Variants in MTRR observed in about 807,000 individuals in gnomAD.
MTRR encodes the protein 5-methyltetrahydrofolate-homocysteine methyltransferase reductase.
A neutral mutation model predicts 79.2 loss-of-function variants in MTRR; 63 were observed. The ratio of observed to expected loss-of-function variants is 0.80; its 90% CI spans 0.65 to 0.98. The LOEUF is 0.98. Ranked by LOEUF, MTRR falls within the 50% of genes least tolerant of loss-of-function variation. MTRR has a pLI of 0.00. For missense variants in MTRR, 895 were observed against 839.6 expected (o/e 1.07, Z -0.82); for synonymous variants, 355 against 313.3 (o/e 1.13, Z -1.41).
At chr5:7,866,375 A>G (rs1746950532), upstream of MTRR, among the ~76,000 whole-genome samples, 1 of 151,898 alleles carries the variant, frequency 6.6e-6, no homozygotes, top group South Asian at 2.1e-4. Flanking sequence ...TAATGTGGCT[A>G]TTTCCACTGC....
At position 7,869,287 on chromosome 5, in the gene MTRR, C is replaced by A. The variant is rs558187880; in HGVS notation, c.-26+72C>A. The stretch of plus-strand genomic sequence containing the variant: ...TGCACTAATCTCCTGGGAGAGGCGG[C>A]CCGGGGCGGGGGTGGGCAGCCGGCT... On this transcript the variant is annotated intron_variant, in intron 1 of 14. Transcript: ENST00000440940. The A allele has an allele frequency of 2.5e-5, 39 of 1,576,080 alleles. No homozygotes were observed. The African/African-American group carries it at 5.2e-4, about 21-fold the overall frequency.
intron 1 of MTRR, among the ~76,000 whole-genome samples, chr5:7,855,774 C>G (rs1373068605): frequency 6.6e-6 from 1 of 152,174 alleles, no homozygotes; most frequent in African/African-American, 2.4e-5. Context: ...CCCAAAATAT[C>G]AACTCCACCC....
intron 4 of MTRR, among the ~76,000 whole-genome samples, chr5:7,875,883 G>A (rs910954476): frequency 6.6e-5 from 10 of 152,208 alleles, no homozygotes; most frequent in Admixed American, 2.0e-4. Flanking sequence ...GTTTACAGAC[G>A]CATACTTTAT....
rs147349117 is a variant in MTRR at position 7,879,006 on chromosome 5, A to G, written c.780+684A>G. 3.0e-4 allele frequency among the ~76,000 whole-genome samples: 45 copies of G among 152,308 alleles called. No individual in the cohort carries two copies. In the East Asian group the frequency reaches 7.9e-3, roughly 27 times the overall value. On this transcript the variant is annotated intron_variant, in intron 5 of 14. Coordinates refer to ENST00000440940, the MANE Select transcript of MTRR (RefSeq NM_002454.3). Reference sequence around the variant, plus strand: ...GAAGACAGATTTAGACATTTAAGAAATAATTTGGATGCAGCATCTTTCTTG... The same window carrying G: ...GAAGACAGATTTAGACATTTAAGAAGTAATTTGGATGCAGCATCTTTCTTG...
upstream of MTRR, chr5:7,865,921 C>T: frequency 1.2e-6 from 2 of 1,613,942 alleles, no homozygotes; most frequent in Non-Finnish European, 8.5e-7. Context: ...CATTCCAGGA[C>T]TGAGGCTAAG....
intron 8 of MTRR, among the ~76,000 whole-genome samples, chr5:7,887,795 T>TATATACATAC (rs1212072055): frequency 5.8e-5 from 1 of 17,096 alleles, no homozygotes; most frequent in African/African-American, 1.9e-4. Flanking sequence ...TGTGTGTGCA[T>TATATACATAC]ATATATATAT....
intron 5 of MTRR, among the ~76,000 whole-genome samples, chr5:7,878,801 A>G (rs1420172007): frequency 1.3e-5 from 2 of 152,220 alleles, no homozygotes; most frequent in Non-Finnish European, 2.9e-5. Context: ...CAGGCAGTGT[A>G]TGGTACCCTG....
intron 1 of MTRR, among the ~76,000 whole-genome samples, chr5:7,851,818 G>T (rs150620792): frequency 1.2e-3 from 176 of 152,228 alleles, no homozygotes; most frequent in African/African-American, 4.1e-3. Context: ...TCCGTTTGTT[G>T]AAAATGTGTT....
chr5:7,856,591 G>A (rs1271149103), intron 1 of MTRR, among the ~76,000 whole-genome samples: 1 of 152,084 alleles, frequency 6.6e-6, no homozygotes, highest in Non-Finnish European at 1.5e-5. Flanking sequence ...TACAAGACGT[G>A]TCTCATTTCA....
chr5:7,899,508 A>G (rs541650221), intron 14 of MTRR, among the ~76,000 whole-genome samples: 1 of 152,224 alleles, frequency 6.6e-6, no homozygotes, highest in Non-Finnish European at 1.5e-5. Context: ...ATAAAGACCT[A>G]GAAGTGTGCG....
chr5:7,878,676 A>G (rs1192447661), intron 5 of MTRR, among the ~76,000 whole-genome samples: 4 of 152,258 alleles, frequency 2.6e-5, no homozygotes, highest in Admixed American at 6.5e-5. Context: ...ACTCAGTTTC[A>G]TCATTATTTT....
At chr5:7,878,444 C>T (rs1311318472) in intron 5 of MTRR, 122 bp downstream of exon 5, 1 of 1,258,074 alleles carries the variant, frequency 7.9e-7, no homozygotes. Context: ...CCCAATGTGG[C>T]CCAGAGCCTT....
chr5:7,895,752 A>T lies in MTRR; in HGVS notation c.1576A>T (p.Thr526Ser). 4 of 1,614,092 alleles carry T rather than the reference A, an allele frequency of 2.5e-6. No individual in the cohort carries two copies. Among genetic ancestry groups the T allele is most frequent in the Non-Finnish European group, 3.4e-6 (4 of 1,179,958 alleles). ...LAPKISISPR[T>S]TNSFHLPDDP... The stretch of plus-strand genomic sequence containing the variant: ...ATTTCAGATATCCATCTCTCCTCGA[A>T]CAACAAATTCTTTCCACTTACCAGA... Residue 526 changes from threonine (T) to serine (S), a missense_variant, in exon 12 of 15, where the codon ACA becomes TCA. Coordinates refer to ENST00000440940, the MANE Select transcript of MTRR (RefSeq NM_002454.3).
At chr5:7,890,581 A>AT (rs1737382840) in intron 9 of MTRR, among the ~76,000 whole-genome samples, 2 of 152,174 alleles carry the variant, frequency 1.3e-5, no homozygotes, top group East Asian at 3.8e-4. Flanking sequence ...AAAAAATTAT[A>AT]TTATTTTCTA....
chr5:7,884,666 C>T (rs186076780), intron 6 of MTRR, among the ~76,000 whole-genome samples: 198 of 152,206 alleles, frequency 1.3e-3, no homozygotes, highest in Non-Finnish European at 2.1e-3. Context: ...CCATGGGCCC[C>T]CTTCCTACCC....
intron 5 of MTRR, among the ~76,000 whole-genome samples, chr5:7,879,234 A>G (rs1429895064): frequency 6.6e-6 from 1 of 152,202 alleles, no homozygotes; most frequent in East Asian, 1.9e-4. Context: ...GTTTGGGAAC[A>G]GACACAACTT....
intron 1 of MTRR, chr5:7,859,687 C>T: frequency 1.8e-6 from 1 of 544,032 alleles, no homozygotes; most frequent in Admixed American, 3.6e-5. Context: ...CTTCTTCATC[C>T]TGTATCCCCA....
chr5:7,887,793 CATATATATATATATATATATATAT>C (rs372829698), intron 8 of MTRR, among the ~76,000 whole-genome samples: 2,408 of 92,032 alleles, frequency 0.026, 90 homozygotes, highest in Non-Finnish European at 0.033. Context: ...TGTGTGTGTG[CATATATATATATATATATATATAT>C]ATATATATAT....
At chr5:7,867,701 G>T, upstream of MTRR, 8 of 1,614,158 alleles carry the variant, frequency 5.0e-6, no homozygotes, top group Non-Finnish European at 6.8e-6. Flanking sequence ...TGCTGCCATA[G>T]TGTCAGGCAG....
Sources: gnomAD v4.1 joint callset for allele counts (sites outside exome capture counted in the v4.1 genomes callset) on GRCh38, gnomAD v4.1.1 for gene constraint, MANE v1.5 for transcripts, NCBI Gene and HGNC (gene_info 2026-07-23, HGNC 2026-07-21) for gene names.